Variants in SMARCA4 observed in about 807,000 individuals in gnomAD.
The protein encoded by SMARCA4 is SWI/SNF related BAF chromatin remodeling complex subunit ATPase 4.
SMARCA4 carries 31 observed loss-of-function variants against 193.9 expected under a neutral mutation model. The ratio of observed to expected loss-of-function variants is 0.16; its 90% CI spans 0.12 to 0.22. SMARCA4 has a LOEUF of 0.22. SMARCA4 is among the 10% of genes least tolerant of loss of function. The pLI, the probability that SMARCA4 is intolerant of heterozygous loss-of-function variation, is 1.00. For missense variants in SMARCA4, 1,148 were observed against 2,296.0 expected (o/e 0.50, Z 10.22); for synonymous variants, 942 against 933.1 (o/e 1.01, Z -0.17).
rs2146099291 is a variant in SMARCA4, at chr19:11,003,152, A to T, written c.1936A>T (p.Asn646Tyr). ...GCAGCTGGAGGCCTGGCTCGAGATG[A>T]ACCCGGGGTGAGTTGGGCCTTGCAT... ...AGQLEAWLEM[N>Y]PGYEVAPRSD... The change falls in exon 12 of 35, where the codon AAC becomes TAC. Residue 646 changes from asparagine to tyrosine, a missense_variant. Asn to Tyr is a moderately radical substitution (Grantham distance 143). Transcript: ENST00000344626. The T allele has an allele frequency of 6.2e-7, 1 of 1,614,128 alleles. No homozygotes were observed. The highest frequency in any genetic ancestry group is 1.1e-5 in the South Asian group (1 of 91,076).
intron 30 of SMARCA4, among the ~76,000 whole-genome samples, chr19:11,043,591 C>A (rs778391143): frequency 6.6e-6 from 1 of 151,832 alleles, no homozygotes; most frequent in Non-Finnish European, 1.5e-5. Context: ...CAGGTCCAGG[C>A]TACAGTGAGC....
At position 11,007,958 on chromosome 19, in the gene SMARCA4, G is replaced by A. The variant is rs1461330572; in HGVS notation, c.2058G>A (p.Glu686=). The A allele has an allele frequency of 6.2e-7, 1 of 1,613,474 alleles. No individual in the cohort carries two copies. The highest frequency in any genetic ancestry group is 2.2e-5 in the East Asian group (1 of 44,856). Reference sequence around the variant, plus strand: ...AGCCTCCCACCCTGCCCGTGGAGGAGAAGAAGAAGATTCCAGATCCAGACA... The same window carrying A: ...AGCCTCCCACCCTGCCCGTGGAGGAAAAGAAGAAGATTCCAGATCCAGACA... ...AAQPPTLPVE[E]KKKIPDPDSD... Residue 686 remains glutamate, a synonymous_variant, in exon 14 of 35, where the codon GAG becomes GAA. Transcript: ENST00000344626.
chr19:10,991,385 G>T, intron 8 of SMARCA4, 62 bp downstream of exon 8: 1 of 1,549,340 alleles, frequency 6.5e-7, no homozygotes, highest in Non-Finnish European at 8.7e-7. Context: ...CTTGTCCAGC[G>T]GTTGCCACGG....
chr19:11,028,406 C>T (rs184482251), intron 24 of SMARCA4, among the ~76,000 whole-genome samples: 41 of 152,330 alleles, frequency 2.7e-4, no homozygotes, highest in African/African-American at 8.2e-4. Flanking sequence ...GCTTCCTTTC[C>T]ACCTGCTCAG....
chr19:11,057,677 C>T (rs891438920), intron 30 of SMARCA4, among the ~76,000 whole-genome samples: 2 of 151,724 alleles, frequency 1.3e-5, no homozygotes, highest in Non-Finnish European at 2.9e-5. Flanking sequence ...TGCAGTGAGC[C>T]GAGATCATTC....
At chr19:10,961,972 A>AT (rs1291248772) in intron 1 of SMARCA4, among the ~76,000 whole-genome samples, 11,686 of 121,714 alleles carry the variant, frequency 0.096, 801 homozygotes, top group African/African-American at 0.16. Context: ...ACCAGTCTTG[A>AT]TTTTTTTTTT....
intron 1 of SMARCA4, among the ~76,000 whole-genome samples, chr19:10,974,666 C>CATATATATATATATATATATATATATAT (rs1555744332): frequency 3.3e-5 from 1 of 30,458 alleles, no homozygotes; most frequent in African/African-American, 1.2e-4. Flanking sequence ...GATTAACATG[C>CATATATATATATATATATATATATATAT]ATATATATAT....
chr19:11,031,108 T>C lies in SMARCA4; in HGVS notation c.3546+215T>C, dbSNP rs2074899182. On this transcript the variant is annotated intron_variant, in intron 25 of 34. Transcript: ENST00000344626. The surrounding 1 kb of genome is among the most constrained non-coding windows in gnomAD (Gnocchi z 4.3). ...AAATACAAACAGCCTTTCCCTCTGATTGGGAAAGCAGTGTATAAGCCATCC... is the reference window on the plus strand; with the variant it reads ...AAATACAAACAGCCTTTCCCTCTGACTGGGAAAGCAGTGTATAAGCCATCC... 9 of 606,610 alleles carry C rather than the reference T, an allele frequency of 1.5e-5. No homozygotes were observed. Among genetic ancestry groups the C allele is most frequent in the Admixed American group, 2.6e-5 (1 of 38,058 alleles). The allele number at this position is 606,610 out of a possible 1,614,324, so 37.6% of individuals were successfully genotyped here.
intron 1 of SMARCA4, among the ~76,000 whole-genome samples, chr19:10,974,917 G>A (rs2085002873): frequency 6.7e-6 from 1 of 149,852 alleles, no homozygotes; most frequent in Non-Finnish European, 1.5e-5. Flanking sequence ...CGTTTGCCAG[G>A]CTGGTCTCGA....
intron 18 of SMARCA4, among the ~76,000 whole-genome samples, chr19:11,020,253 C>T (rs923752600): frequency 2.6e-5 from 4 of 152,246 alleles, no homozygotes; most frequent in South Asian, 2.1e-4. Flanking sequence ...GGAGTCCCAG[C>T]GTGGCCATGA....
chr19:11,049,795 A>C (rs2076156350), intron 30 of SMARCA4, among the ~76,000 whole-genome samples: 1 of 152,174 alleles, frequency 6.6e-6, no homozygotes, highest in Non-Finnish European at 1.5e-5. Flanking sequence ...TAGGGCAGAG[A>C]TGCTGCTACA....
chr19:11,009,007 C>CTTTTTT (rs762148337), intron 14 of SMARCA4, among the ~76,000 whole-genome samples: 614 of 40,938 alleles, frequency 0.015, 125 homozygotes, highest in African/African-American at 0.03. Context: ...ATAAAAGTCA[C>CTTTTTT]TTTTTTTTTT....
In SMARCA4 at chr19:11,058,978, G is replaced by GT. The variant is rs1233577248; in HGVS notation, c.4635+91dup. 1.9e-6 allele frequency: 2 copies of GT among 1,056,636 alleles called. No individual in the cohort carries two copies. Among genetic ancestry groups the GT allele is most frequent in the East Asian group, 4.9e-5 (2 of 40,536 alleles). The allele number at this position is 1,056,636 out of a possible 1,614,324, so 65.5% of individuals were successfully genotyped here. A position where few individuals can be genotyped will look rare whatever the true frequency, so the allele number is the denominator to read the frequency against. On this transcript the variant is annotated intron_variant, in intron 32 of 34. Transcript: ENST00000344626. The surrounding 1 kb of genome is among the most constrained non-coding windows in gnomAD (Gnocchi z 5.8). ...CCCTCCTTCCCTTCTGAATTGATGG[G>GT]TTAAAAACAAGTCCCGCTAGCTGTG...
At chr19:10,997,695 TG>T (rs1330653128) in intron 11 of SMARCA4, among the ~76,000 whole-genome samples, 1 of 151,536 alleles carries the variant, frequency 6.6e-6, no homozygotes, top group Non-Finnish European at 1.5e-5. Context: ...CTCCAATTCC[TG>T]GGCTCAGGCA....
rs1555751006 is a variant in SMARCA4 at position 10,984,331 on chromosome 19, G to A, written c.180G>A (p.Gly60=). 1.2e-6 allele frequency: 2 copies of A among 1,601,104 alleles called. No homozygotes were observed. The highest frequency in any genetic ancestry group is 4.5e-5 in the East Asian group (2 of 44,148). Residue 60 remains glycine (G), a synonymous_variant, in exon 2 of 35, where the codon GGG becomes GGA. Transcript: ENST00000344626. The surrounding 1 kb of genome is among the most constrained non-coding windows in gnomAD (Gnocchi z 4.3). ...PSAGHPIPTQ[G]PGGYPQDNMH... is the part of the protein sequence containing the mutation. ...CAGGACACCCCATCCCCACCCAGGG[G>A]CCTGGAGGGTACCCTCAGGACAACA...
At chr19:11,013,810 A>G (rs2089090210) in intron 16 of SMARCA4, among the ~76,000 whole-genome samples, 1 of 152,178 alleles carries the variant, frequency 6.6e-6, no homozygotes, top group Non-Finnish European at 1.5e-5. Flanking sequence ...GGCACATCCC[A>G]GCATGGCCCA....
At chr19:11,023,445 G>A (rs937057511) in intron 19 of SMARCA4, 73 bp from the exon 20 acceptor site, 33 of 971,074 alleles carry the variant, frequency 3.4e-5, no homozygotes, top group Non-Finnish European at 4.9e-5. Flanking sequence ...CCCCACATCC[G>A]CACCTTCTAG....
chr19:10,973,109 CAAA>C (rs147266435), intron 1 of SMARCA4, among the ~76,000 whole-genome samples: 1 of 92,190 alleles, frequency 1.1e-5, no homozygotes, highest in Non-Finnish European at 2.3e-5. Context: ...AGTCCATCTA[CAAA>C]AAAAAAAAAA....
At chr19:11,035,580 G>A (rs1486362644) in intron 29 of SMARCA4, among the ~76,000 whole-genome samples, 1 of 152,194 alleles carries the variant, frequency 6.6e-6, no homozygotes, top group African/African-American at 2.4e-5. Flanking sequence ...CCATGAGCTG[G>A]GGAGACTCAG....
Sources: allele counts gnomAD v4.1 joint callset (sites outside exome capture counted in the v4.1 genomes callset), GRCh38; gene constraint gnomAD v4.1.1; non-coding constraint Gnocchi (gnomAD v3.1); transcripts MANE v1.5; gene names NCBI Gene and HGNC (gene_info 2026-07-23, HGNC 2026-07-21).